Variants in TTC7B observed in about 807,000 individuals in gnomAD.
TTC7B encodes tetratricopeptide repeat domain 7B.
Under a neutral mutation model 106.8 loss-of-function variants are expected in TTC7B, and 28 were observed. The ratio of observed to expected loss-of-function variants is 0.26; its 90% CI spans 0.19 to 0.36. The LOEUF is 0.36. Among genes scored for constraint, TTC7B ranks in the 10% least tolerant of loss-of-function variants. TTC7B has a pLI of 1.00. For missense variants in TTC7B, 862 were observed against 1,076.4 expected (o/e 0.80, Z 2.79); for synonymous variants, 405 against 430.6 (o/e 0.94, Z 0.74).
intron 4 of TTC7B, among the ~76,000 whole-genome samples, chr14:90,736,883 C>A (rs1169524638): frequency 1.6e-5 from 2 of 124,636 alleles, no homozygotes; most frequent in Non-Finnish European, 3.2e-5. Context: ...CAGAGCAAGA[C>A]CATGTCTCTT....
chr14:90,675,053 C>A (rs1192258632), intron 9 of TTC7B: 2 of 137,800 alleles, frequency 1.5e-5, no homozygotes, highest in South Asian at 4.7e-4. Flanking sequence ...AGGAAACCAC[C>A]AGGGTGATGA....
intron 5 of TTC7B, among the ~76,000 whole-genome samples, chr14:90,718,299 A>G (rs1025312013): frequency 3.3e-5 from 5 of 152,236 alleles, no homozygotes; most frequent in African/African-American, 1.2e-4. Flanking sequence ...AAGGAGGCCT[A>G]CAAGACCAAA....
intron 3 of TTC7B, among the ~76,000 whole-genome samples, chr14:90,754,550 T>A (rs1180592908): frequency 6.6e-6 from 1 of 152,234 alleles, no homozygotes; most frequent in East Asian, 1.9e-4. Flanking sequence ...ATTTGTTTAT[T>A]ATATTACTTT....
At chr14:90,569,079 C>T (rs1280290936) in intron 19 of TTC7B, among the ~76,000 whole-genome samples, 1 of 152,186 alleles carries the variant, frequency 6.6e-6, no homozygotes, top group Non-Finnish European at 1.5e-5. Flanking sequence ...CCATCGCTAT[C>T]ACCTGCAGCC....
At position 90,538,043 on chromosome 14, in the gene TTC7B, C is replaced by T. The variant is rs1485046458; in HGVS notation, c.*3325G>A. ...TGCCTAAGTTAGGGTCAGCACTAGT[C>T]CTGGAATCAAACGCGGCATCTCCTG... On this transcript the variant is annotated 3_prime_UTR_variant, in exon 20 of 20. Coordinates refer to ENST00000328459, the MANE Select transcript of TTC7B (RefSeq NM_001010854.2). 6.6e-6 allele frequency: 1 copy of T among 152,198 alleles called. No individual in the cohort carries two copies. The allele number at this position is 152,198 out of a possible 1,614,324, so 9.4% of individuals were successfully genotyped here. A position where few individuals can be genotyped will look rare whatever the true frequency, so the allele number is the denominator to read the frequency against.
intron 19 of TTC7B, among the ~76,000 whole-genome samples, chr14:90,571,079 G>A (rs1891016752): frequency 6.6e-6 from 1 of 152,184 alleles, no homozygotes; most frequent in Non-Finnish European, 1.5e-5. Context: ...CCTGGGGCAG[G>A]TGACCAACAG....
chr14:90,784,981 C>A (rs1891338199), intron 2 of TTC7B, among the ~76,000 whole-genome samples: 1 of 152,172 alleles, frequency 6.6e-6, no homozygotes, highest in Non-Finnish European at 1.5e-5. Context: ...GTTGCCCAGG[C>A]CCTCCATTGC....
At chr14:90,558,294 G>A (rs1595157226) in intron 19 of TTC7B, among the ~76,000 whole-genome samples, 1 of 152,216 alleles carries the variant, frequency 6.6e-6, no homozygotes, top group Admixed American at 6.5e-5. Context: ...GGAGAGTGCC[G>A]GCTACACAAA....
intron 16 of TTC7B, 41 bp from the exon 17 acceptor site, chr14:90,610,880 G>T: frequency 1.4e-6 from 2 of 1,459,532 alleles, no homozygotes; most frequent in Non-Finnish European, 1.9e-6. Context: ...CTGCAAGGTG[G>T]GAGGAGGGAA....
intron 16 of TTC7B, among the ~76,000 whole-genome samples, chr14:90,614,424 G>C (rs182372804): frequency 9.5e-4 from 144 of 152,372 alleles, no homozygotes; most frequent in African/African-American, 3.2e-3. Context: ...TTTAAATGCT[G>C]TTTGTTGGCA....
rs1193677858 is a variant in TTC7B at position 90,541,434 on chromosome 14, C to G, written c.2466G>C (p.Leu822=). The part of the protein sequence containing the change: ...GNDAAATECF[L]TALELEASSP... The stretch of plus-strand genomic sequence containing the variant: ...TGCTGGCCTCCAGCTCCAAGGCTGT[C>G]AGGAAGCACTCCGTAGCCGCCGCAT... The change falls in exon 20 of 20, where the codon CTG becomes CTC. Residue 822 remains leucine (L), a synonymous_variant. Coordinates refer to ENST00000328459, the MANE Select transcript of TTC7B (RefSeq NM_001010854.2). 6.2e-7 allele frequency: 1 copy of G among 1,613,312 alleles called. No individual in the cohort carries two copies. Among genetic ancestry groups the G allele is most frequent in the Non-Finnish European group, 8.5e-7 (1 of 1,179,806 alleles).
chr14:90,780,717 G>A, intron 3 of TTC7B, 21 bp downstream of exon 3: 2 of 1,611,706 alleles, frequency 1.2e-6, no homozygotes, highest in Non-Finnish European at 1.7e-6. Context: ...GGGACACTGT[G>A]TTAGAAGGCA....
At chr14:90,687,333 T>G (rs200014594) in intron 7 of TTC7B, among the ~76,000 whole-genome samples, 1 of 152,380 alleles carries the variant, frequency 6.6e-6, no homozygotes, top group East Asian at 1.9e-4. Flanking sequence ...AGCTGTATTT[T>G]GCTTCTATAA....
chr14:90,653,364 C>T (rs12880506), intron 12 of TTC7B, among the ~76,000 whole-genome samples: 17,951 of 152,192 alleles, frequency 0.12, 1,244 homozygotes, highest in Middle Eastern at 0.2. Flanking sequence ...CCTGGGCCAC[C>T]GACAGTAGCT....
chr14:90,695,323 CACATAT>C (rs1887697986), intron 6 of TTC7B, among the ~76,000 whole-genome samples, 171 bp downstream of exon 6: 1 of 128,250 alleles, frequency 7.8e-6, no homozygotes, highest in South Asian at 2.7e-4. Flanking sequence ...ATATTTATAA[CACATAT>C]ATGTCACATA....
intron 15 of TTC7B, among the ~76,000 whole-genome samples, chr14:90,618,506 G>C (rs1893179858): frequency 6.6e-6 from 1 of 152,164 alleles, no homozygotes; most frequent in African/African-American, 2.4e-5. Context: ...AAGCCTGAAC[G>C]GAAGTCCCAT....
chr14:90,627,011 G>C (rs1884470469), intron 15 of TTC7B, among the ~76,000 whole-genome samples: 1 of 152,110 alleles, frequency 6.6e-6, no homozygotes, highest in Non-Finnish European at 1.5e-5. Context: ...GCTTGAGACA[G>C]GGTTTTGCTC....
At chr14:90,549,409 G>C (rs1003820920) in intron 19 of TTC7B, among the ~76,000 whole-genome samples, 1 of 152,234 alleles carries the variant, frequency 6.6e-6, no homozygotes, top group African/African-American at 2.4e-5. Flanking sequence ...GGACTGTGGT[G>C]GCAGCTTCTG....
At chr14:90,613,512 T>A (rs1892953338) in intron 16 of TTC7B, among the ~76,000 whole-genome samples, 1 of 152,240 alleles carries the variant, frequency 6.6e-6, no homozygotes, top group Admixed American at 6.5e-5. Context: ...AAGATTTACA[T>A]TTGACTCCTA....
Sources: allele counts gnomAD v4.1 joint callset (sites outside exome capture counted in the v4.1 genomes callset), GRCh38; gene constraint gnomAD v4.1.1; transcripts MANE v1.5; gene names NCBI Gene and HGNC (gene_info 2026-07-23, HGNC 2026-07-21).